Variants in ZNF804B observed in about 807,000 individuals in gnomAD.
The protein encoded by ZNF804B is zinc finger protein 804B.
In ZNF804B, 80 loss-of-function variants were observed where a neutral mutation model predicts 101.4. The ratio of observed to expected loss-of-function variants is 0.79; its 90% confidence interval spans 0.66 to 0.95. The LOEUF is 0.95. ZNF804B is among the 40% of genes least tolerant of loss of function. The pLI is 0.00. For missense variants in ZNF804B, 1,673 were observed against 1,561.9 expected (o/e 1.07, Z -1.20); for synonymous variants, 622 against 558.8 (o/e 1.11, Z -1.59).
intron 1 of ZNF804B, among the ~76,000 whole-genome samples, chr7:88,774,221 T>A (rs200581479): frequency 1.5e-4 from 20 of 129,326 alleles, no homozygotes; most frequent in South Asian, 4.9e-4. Context: ...TTTTTTTTTT[T>A]AATTTTGAAA....
chr7:88,948,733 G>A (rs369022505), intron 1 of ZNF804B, among the ~76,000 whole-genome samples: 36 of 151,890 alleles, frequency 2.4e-4, no homozygotes, highest in African/African-American at 8.7e-4. Context: ...GGTCAACTAG[G>A]ACAACTGGGG....
At chr7:89,106,099 A>G (rs1790132054) in intron 1 of ZNF804B, among the ~76,000 whole-genome samples, 1 of 151,562 alleles carries the variant, frequency 6.6e-6, no homozygotes, top group African/African-American at 2.4e-5. Flanking sequence ...CAAATAAAAT[A>G]TAAGTTCCAA....
At chr7:88,843,282 T>C (rs1791314195) in intron 1 of ZNF804B, among the ~76,000 whole-genome samples, 1 of 152,218 alleles carries the variant, frequency 6.6e-6, no homozygotes, top group South Asian at 2.1e-4. Context: ...AGGAATTTAT[T>C]AATATTCTCA....
intron 1 of ZNF804B, among the ~76,000 whole-genome samples, chr7:88,855,087 A>G (rs1791534680): frequency 6.6e-6 from 1 of 152,050 alleles, no homozygotes; most frequent in Admixed American, 6.6e-5. Context: ...GTCTTATAGC[A>G]GCATGATTTA....
intron 1 of ZNF804B, among the ~76,000 whole-genome samples, chr7:89,130,323 G>C (rs575653158): frequency 6.6e-6 from 1 of 151,932 alleles, no homozygotes; most frequent in African/African-American, 2.4e-5. Context: ...CCCAGGAAAG[G>C]AGTAGGAAGC....
chr7:88,868,634 C>A (rs753142969), intron 1 of ZNF804B, among the ~76,000 whole-genome samples: 3 of 152,158 alleles, frequency 2.0e-5, no homozygotes, highest in Non-Finnish European at 2.9e-5. Context: ...GGCTTGCTGC[C>A]TTTATTGATG....
chr7:88,896,072 C>T (rs1792278807), intron 1 of ZNF804B, among the ~76,000 whole-genome samples: 4 of 152,124 alleles, frequency 2.6e-5, no homozygotes, highest in Admixed American at 2.6e-4. Flanking sequence ...ATCTGACAAG[C>T]ACTACCTTAG....
intron 1 of ZNF804B, among the ~76,000 whole-genome samples, chr7:88,908,558 A>T (rs1792504320): frequency 1.3e-5 from 2 of 151,880 alleles, no homozygotes; most frequent in African/African-American, 4.8e-5. Flanking sequence ...TTTTCAAAGA[A>T]TATTTGCAAG....
intron 1 of ZNF804B, among the ~76,000 whole-genome samples, chr7:88,853,859 A>C (rs1791482242): frequency 6.6e-6 from 1 of 152,140 alleles, no homozygotes; most frequent in African/African-American, 2.4e-5. Flanking sequence ...TAATTCTAAC[A>C]TTCAGAGCTT....
chr7:88,991,648 C>T (rs1203128645), intron 1 of ZNF804B, among the ~76,000 whole-genome samples: 1 of 152,160 alleles, frequency 6.6e-6, no homozygotes, highest in Non-Finnish European at 1.5e-5. Context: ...CCCTCCTCTG[C>T]TGGAGCAGTC....
intron 1 of ZNF804B, among the ~76,000 whole-genome samples, chr7:89,030,074 G>T (rs1157575677): frequency 6.6e-6 from 1 of 152,050 alleles, no homozygotes; most frequent in Non-Finnish European, 1.5e-5. Flanking sequence ...GGTGAAGGAG[G>T]TGCAGAAGGA....
At chr7:89,017,148 G>T (rs909746549) in intron 1 of ZNF804B, among the ~76,000 whole-genome samples, 1 of 152,078 alleles carries the variant, frequency 6.6e-6, no homozygotes, top group African/African-American at 2.4e-5. Flanking sequence ...GTCTGCTATT[G>T]GTGTATAAGA....
At chr7:88,918,268 T>C (rs114228920) in intron 1 of ZNF804B, among the ~76,000 whole-genome samples, 2 of 152,232 alleles carry the variant, frequency 1.3e-5, no homozygotes, top group African/African-American at 4.8e-5. Flanking sequence ...CTTTAAGATA[T>C]GCAATGCGTT....
At chr7:89,203,665 C>T (rs1562914739) in intron 1 of ZNF804B, among the ~76,000 whole-genome samples, 1 of 151,950 alleles carries the variant, frequency 6.6e-6, no homozygotes, top group Non-Finnish European at 1.5e-5. Context: ...TAATGGTGTG[C>T]CTTTGTGAAC....
At chr7:89,052,881 C>G (rs907458463) in intron 1 of ZNF804B, among the ~76,000 whole-genome samples, 3 of 152,174 alleles carry the variant, frequency 2.0e-5, no homozygotes, top group African/African-American at 7.2e-5. Context: ...ACCCTTTGGT[C>G]ATCCATGTTT....
intron 2 of ZNF804B, among the ~76,000 whole-genome samples, chr7:89,242,536 C>T (rs569858576): frequency 1.3e-5 from 2 of 151,664 alleles, no homozygotes; most frequent in Admixed American, 1.3e-4. Context: ...TCTCCTGTTT[C>T]TAATGTGTGG....
chr7:88,794,235 G>A (rs1244232423), intron 1 of ZNF804B: 33 of 1,613,212 alleles, frequency 2.0e-5, no homozygotes, highest in Non-Finnish European at 2.8e-5. Flanking sequence ...TGATGTGTAT[G>A]GGTCTATTAT....
At chr7:88,785,336 T>G (rs1460669076) in intron 1 of ZNF804B, among the ~76,000 whole-genome samples, 1 of 152,050 alleles carries the variant, frequency 6.6e-6, no homozygotes, top group Non-Finnish European at 1.5e-5. Context: ...GTCTCTTGAT[T>G]CTTTCCACCT....
intron 1 of ZNF804B, among the ~76,000 whole-genome samples, chr7:89,081,422 T>G (rs1032493997): frequency 1.3e-5 from 2 of 151,822 alleles, no homozygotes; most frequent in Admixed American, 1.3e-4. Context: ...AAATTTACAT[T>G]TATTTTGTTA....
Sources: gnomAD v4.1 joint callset for allele counts (sites outside exome capture counted in the v4.1 genomes callset) on GRCh38, gnomAD v4.1.1 for gene constraint, MANE v1.5 for transcripts, NCBI Gene and HGNC (gene_info 2026-07-23, HGNC 2026-07-21) for gene names.